The following ANKK1 variants were observed in gnomAD, a reference collection of about 807,000 sequenced individuals.
ANKK1 encodes the protein ankyrin repeat and protein kinase domain-containing protein 1.
A neutral mutation model predicts 37.6 loss-of-function variants in ANKK1; 37 were observed. The ratio of observed to expected loss-of-function variants is 0.98; its 90% CI spans 0.76 to 1.29. The LOEUF is 1.29. ANKK1 is among the 50% of genes most tolerant of loss of function. ANKK1 has a pLI of 0.00. For missense variants in ANKK1, 1,019 were observed against 990.6 expected (o/e 1.03, Z -0.39); for synonymous variants, 415 against 418.7 (o/e 0.99, Z 0.11).
At position 113,397,961 on chromosome 11, in the gene ANKK1, G is replaced by T. The variant is rs989093359; in HGVS notation, c.958-19G>T. ...TGCGCCACTGATCTCCACCCTGCCT[G>T]CTGGTTATGCCTCCCCAGGTTAATG... On this transcript the variant is annotated intron_variant, in intron 6 of 7. Transcript: ENST00000303941. The T allele has an allele frequency of 1.9e-6, 3 of 1,556,374 alleles. No homozygotes were observed. Among genetic ancestry groups the T allele is most frequent in the Non-Finnish European group, 2.6e-6 (3 of 1,149,550 alleles).
Position 113,399,407 on chromosome 11 carries a change from C to G in ANKK1, c.1438C>G (p.Leu480Val). The change falls in exon 8 of 8, where the codon CTG becomes GTG. Residue 480 changes from leucine to valine, a missense_variant. Physicochemically the swap from Leu to Val is conservative, Grantham distance 32. Transcript: ENST00000303941. ...QNNFENVARL[L>V]VSRQADPNLH... The stretch of plus-strand genomic sequence containing the variant: ...TAACTTTGAGAATGTGGCACGGCTT[C>G]TGGTCTCCCGTCAGGCTGACCCCAA... 1.2e-6 allele frequency: 2 copies of G among 1,600,830 alleles called. No individual in the cohort carries two copies. The highest frequency in any genetic ancestry group is 1.7e-6 in the Non-Finnish European group (2 of 1,174,104).
At chr11:113,396,978 T>A (rs1174311845) in intron 5 of ANKK1, among the ~76,000 whole-genome samples, 1 of 152,180 alleles carries the variant, frequency 6.6e-6, no homozygotes, top group African/African-American at 2.4e-5. Context: ...TGTGAGCATC[T>A]TAGAGATTGC....
intron 3 of ANKK1, 73 bp from the exon 4 acceptor site, chr11:113,395,286 C>G: frequency 1.3e-6 from 2 of 1,590,270 alleles, no homozygotes; most frequent in Non-Finnish European, 8.6e-7. Flanking sequence ...AGCCCCCCGA[C>G]CCTGCCACCC....
Position 113,397,561 on chromosome 11 carries a change from C to T in ANKK1, c.957+219C>T, listed in dbSNP as rs558423348. ...CCTGGGAAGGATATACCTTCTCTCT[C>T]ATGTTTGGGACCAAACTGACTCCTG... On this transcript the variant is annotated intron_variant, in intron 6 of 7. Coordinates refer to ENST00000303941, the MANE Select transcript of ANKK1 (RefSeq NM_178510.2). 3.3e-5 allele frequency among the ~76,000 whole-genome samples: 5 copies of T among 152,354 alleles called. No homozygotes were observed. The East Asian group carries it at 9.7e-4, about 29-fold the overall frequency.
chr11:113,399,920 GACC>G lies in ANKK1; in HGVS notation c.1952_1954del (p.Asp651_Pro652delinsAla). 1 of 1,613,542 alleles carries G rather than the reference GACC, an allele frequency of 6.2e-7. No homozygotes were observed. Among genetic ancestry groups the G allele is most frequent in the Non-Finnish European group, 8.5e-7 (1 of 1,179,888 alleles). On this transcript the variant is annotated inframe_deletion, in exon 8 of 8. Coordinates refer to ENST00000303941, the MANE Select transcript of ANKK1 (RefSeq NM_178510.2). Reference sequence around the variant, plus strand: ...GTCAGCACTGCTGCAGTGTGGGGCTGACCCCAATGCTGCAGAGCAGTCAGGCTG... The same window carrying G: ...GTCAGCACTGCTGCAGTGTGGGGCTGCCAATGCTGCAGAGCAGTCAGGCTG...
rs367599961 is a variant in ANKK1 at position 113,398,012 on chromosome 11, C to T, written c.990C>T (p.Asp330=). The change falls in exon 7 of 8, where the codon GAC becomes GAT. Residue 330 remains aspartate, a synonymous_variant. Transcript: ENST00000303941. ...VNEDISQELM[D]SDSGNYLKRA... The stretch of plus-strand genomic sequence containing the variant: ...AGGACATCAGCCAGGAACTGATGGA[C>T]AGTGGTGAGTCTGGGTGCCACGGGC... 6 of 1,565,492 alleles carry T rather than the reference C, an allele frequency of 3.8e-6. No homozygotes were observed. The highest frequency in any genetic ancestry group is 5.2e-6 in the Non-Finnish European group (6 of 1,154,668).
rs781258690 is a variant in ANKK1 at position 113,399,771 on chromosome 11, C to G, written c.1802C>G (p.Ala601Gly). ...HQGWTPLHLA[A>G]YKGHLEIIHL... ...GGCTGGACACCCCTGCATCTAGCAG[C>G]CTACAAGGGCCACCTGGAGATCATC... is the stretch of plus-strand genomic sequence containing the variant. Residue 601 changes from alanine (A) to glycine (G), a missense_variant, in exon 8 of 8, where the codon GCC (alanine) becomes GGC (glycine). Ala to Gly is a moderately conservative substitution (Grantham distance 60). Transcript: ENST00000303941. 1.2e-5 allele frequency: 19 copies of G among 1,603,192 alleles called. No individual in the cohort carries two copies. Among genetic ancestry groups the G allele is most frequent in the Non-Finnish European group, 1.4e-5 (17 of 1,175,168 alleles).
intron 1 of ANKK1, among the ~76,000 whole-genome samples, chr11:113,391,483 T>G (rs1415275023): frequency 6.6e-6 from 1 of 152,044 alleles, no homozygotes; most frequent in Non-Finnish European, 1.5e-5. Flanking sequence ...TGGGCTGAGA[T>G]GCACCTTGGG....
rs1318101103 is a variant in ANKK1, at chr11:113,393,662, A to T, written c.367A>T (p.Ile123Phe). The change falls in exon 2 of 8, where the codon ATC becomes TTC. Residue 123 changes from isoleucine (I) to phenylalanine (F), a missense_variant. Transcript: ENST00000303941. The part of the protein sequence containing the change: ...HSLCWKLRFR[I>F]IHETSLAMNF... ...CCTCTGCTGGAAGCTCAGGTTCCGC[A>T]TCATCCATGAGACCAGCTTGGCCAT... 1 of 1,613,952 alleles carries T rather than the reference A, an allele frequency of 6.2e-7. No homozygotes were observed. Among genetic ancestry groups the T allele is most frequent in the Non-Finnish European group, 8.5e-7 (1 of 1,179,848 alleles).
At chr11:113,398,909 T>C in intron 7 of ANKK1, 55 bp from the exon 8 acceptor site, 1 of 1,468,726 alleles carries the variant, frequency 6.8e-7, no homozygotes. Flanking sequence ...ATGGCCATGA[T>C]GACCTCTGGA....
chr11:113,393,860 T>C, intron 2 of ANKK1, 85 bp downstream of exon 2: 2 of 1,439,958 alleles, frequency 1.4e-6, no homozygotes, highest in East Asian at 2.3e-5. Context: ...CTGACCGGCC[T>C]GTCAAGGGTT....
Position 113,399,803 on chromosome 11 carries a change from C to T in ANKK1, c.1834C>T (p.Leu612=). 1.9e-6 allele frequency: 3 copies of T among 1,604,052 alleles called. No homozygotes were observed. Among genetic ancestry groups the T allele is most frequent in the East Asian group, 2.3e-5 (1 of 44,324 alleles). The change falls in exon 8 of 8, where the codon CTG becomes TTG. Residue 612 remains leucine (L), a synonymous_variant. Transcript: ENST00000303941. ...YKGHLEIIHL[L]AESHANMGAL... ...GGGCCACCTGGAGATCATCCATCTGCTGGCAGAGAGCCACGCAAACATGGG... is the reference window on the plus strand; with the variant it reads ...GGGCCACCTGGAGATCATCCATCTGTTGGCAGAGAGCCACGCAAACATGGG...
Position 113,399,504 on chromosome 11 carries a change from T to A in ANKK1, c.1535T>A (p.Leu512Gln). 2 of 1,593,868 alleles carry A rather than the reference T, an allele frequency of 1.3e-6. No homozygotes were observed. The highest frequency in any genetic ancestry group is 1.7e-6 in the Non-Finnish European group (2 of 1,170,590). The change falls in exon 8 of 8, where the codon CTG (leucine) becomes CAG (glutamine). Residue 512 changes from leucine to glutamine, a missense_variant. Coordinates refer to ENST00000303941, the MANE Select transcript of ANKK1 (RefSeq NM_178510.2). ...TTTGGCCATGTTAGCCTGGTCAAGC[T>A]GCTGACCAGCCAGGGGGCTGAGTTG... Reference protein sequence around the residue: ...AYFGHVSLVKLLTSQGAELDA... With the variant: ...AYFGHVSLVKQLTSQGAELDA...
chr11:113,393,400 A>T, intron 1 of ANKK1, 81 bp from the exon 2 acceptor site: 1 of 1,448,736 alleles, frequency 6.9e-7, no homozygotes, highest in Non-Finnish European at 9.4e-7. Context: ...GTCTGGCATC[A>T]TGGCTAGTTT....
chr11:113,396,263 G>A, intron 5 of ANKK1, 41 bp downstream of exon 5: 1 of 1,606,690 alleles, frequency 6.2e-7, no homozygotes, highest in East Asian at 2.2e-5. Context: ...TGGGAGCTGG[G>A]TGGGGCCGGG....
chr11:113,392,712 G>A (rs988015274), intron 1 of ANKK1, among the ~76,000 whole-genome samples: 1 of 152,212 alleles, frequency 6.6e-6, no homozygotes, highest in Non-Finnish European at 1.5e-5. Flanking sequence ...TTCGACTTCT[G>A]TTCCAATTCA....
chr11:113,388,016 G>A lies in ANKK1; in HGVS notation c.132G>A (p.Trp44Ter). 1 of 1,565,604 alleles carries A rather than the reference G, an allele frequency of 6.4e-7. No homozygotes were observed. Among genetic ancestry groups the A allele is most frequent in the Non-Finnish European group, 8.6e-7 (1 of 1,161,034 alleles). ...TGTTCCAGGCGCGGCACAGGCGCTG[G>A]CGGACGGAGTACGCCATCAAGTGCG... ...SQVFQARHRR[W>*]RTEYAIKCAP... The change falls in exon 1 of 8, where the codon TGG (tryptophan) becomes TGA (stop). Residue 44 changes from tryptophan (W) to a stop codon, truncating the protein, a stop_gained. Coordinates refer to ENST00000303941, the MANE Select transcript of ANKK1 (RefSeq NM_178510.2). LOFTEE classifies it high-confidence loss of function.
intron 1 of ANKK1, among the ~76,000 whole-genome samples, chr11:113,388,276 C>T (rs1950562646): frequency 6.6e-6 from 1 of 152,200 alleles, no homozygotes; most frequent in Non-Finnish European, 1.5e-5. Flanking sequence ...GCACATAATA[C>T]CTGTTTGTAG....
At position 113,399,975 on chromosome 11, in the gene ANKK1, G is replaced by A. The variant is rs762136964; in HGVS notation, c.2006G>A (p.Arg669Lys). 3 of 1,613,482 alleles carry A rather than the reference G, an allele frequency of 1.9e-6. No homozygotes were observed. ...GWTPLHLAVQ[R>K]STFLSVINLL... Reference sequence around the variant, plus strand: ...ACACCCCTCCACCTGGCGGTCCAGAGGAGCACCTTCCTGAGTGTCATCAAC... The same window carrying A: ...ACACCCCTCCACCTGGCGGTCCAGAAGAGCACCTTCCTGAGTGTCATCAAC... The change falls in exon 8 of 8, where the codon AGG becomes AAG. Residue 669 changes from arginine to lysine, a missense_variant. Transcript: ENST00000303941.
Sources: gnomAD v4.1 joint callset for allele counts (sites outside exome capture counted in the v4.1 genomes callset) on GRCh38, gnomAD v4.1.1 for gene constraint, MANE v1.5 for transcripts, NCBI Gene and HGNC (gene_info 2026-07-23, HGNC 2026-07-21) for gene names.